The following CNTNAP2 variants were observed in gnomAD, a reference collection of about 807,000 sequenced individuals.
The protein encoded by CNTNAP2 is contactin associated protein 2.
CNTNAP2 carries 98 observed loss-of-function variants against 155.2 expected under a neutral mutation model. The observed-to-expected ratio is 0.63, with a 90% CI of 0.54 to 0.75. The LOEUF (loss-of-function observed/expected upper bound fraction) is 0.75. CNTNAP2 is among the 30% of genes least tolerant of loss of function. CNTNAP2 has a pLI of 0.00. For missense variants in CNTNAP2, 1,727 were observed against 1,688.1 expected, an observed-to-expected ratio of 1.02 and a Z score of -0.40; for synonymous variants, 651 against 631.2, an observed-to-expected ratio of 1.03 and a Z score of -0.47.
intron 1 of CNTNAP2, among the ~76,000 whole-genome samples, chr7:146,151,644 A>G (rs985569285): frequency 5.9e-5 from 4 of 67,786 alleles, no homozygotes; most frequent in Non-Finnish European, 1.3e-4. Flanking sequence ...TGATATATAT[A>G]TATATATATA....
chr7:147,461,881 T>C (rs1480128933), intron 10 of CNTNAP2, among the ~76,000 whole-genome samples: 2 of 152,236 alleles, frequency 1.3e-5, no homozygotes, highest in Non-Finnish European at 2.9e-5. Context: ...TTTAAGTGAA[T>C]GTAGAGTTAA....
At chr7:147,802,452 C>G (rs532745570) in intron 13 of CNTNAP2, among the ~76,000 whole-genome samples, 3 of 152,090 alleles carry the variant, frequency 2.0e-5, no homozygotes, top group Non-Finnish European at 4.4e-5. Context: ...TGTAGCGAGC[C>G]GAGATCAGGC....
chr7:147,062,044 AG>A (rs1799688177), intron 4 of CNTNAP2, among the ~76,000 whole-genome samples: 1 of 143,890 alleles, frequency 6.9e-6, no homozygotes, highest in Non-Finnish European at 1.5e-5. Flanking sequence ...AGGAGAATGG[AG>A]TGAACCCGGG....
intron 10 of CNTNAP2, among the ~76,000 whole-genome samples, chr7:147,453,617 G>A (rs1179771556): frequency 6.6e-6 from 1 of 152,118 alleles, no homozygotes; most frequent in Non-Finnish European, 1.5e-5. Context: ...GATTATTTAA[G>A]TGACTTGTAC....
intron 21 of CNTNAP2, among the ~76,000 whole-genome samples, chr7:148,267,432 A>C (rs754827917): frequency 1.3e-5 from 2 of 152,088 alleles, no homozygotes; most frequent in Non-Finnish European, 2.9e-5. Flanking sequence ...AGGCTGGTGG[A>C]TCACTTGAGG....
chr7:146,426,420 C>CAT (rs1238754552), intron 1 of CNTNAP2, among the ~76,000 whole-genome samples: 5,987 of 146,406 alleles, frequency 0.041, 318 homozygotes, highest in African/African-American at 0.12. Context: ...CACACACACA[C>CAT]ATATACACAC....
chr7:146,728,203 G>A (rs1159779519), intron 1 of CNTNAP2, among the ~76,000 whole-genome samples: 2 of 152,154 alleles, frequency 1.3e-5, no homozygotes, highest in South Asian at 2.1e-4. Flanking sequence ...CAGGTAAAGC[G>A]TTCATCTTGA....
chr7:148,232,937 G>T (rs1021954570), intron 20 of CNTNAP2, among the ~76,000 whole-genome samples: 1 of 152,208 alleles, frequency 6.6e-6, no homozygotes, highest in East Asian at 1.9e-4. Flanking sequence ...GCTGCCAAAA[G>T]ACAAAGTACC....
In CNTNAP2 at chr7:147,594,125, C is replaced by CTTT. The variant is rs397827040; in HGVS notation, c.1897+31885_1897+31887dup. Among the ~76,000 whole-genome samples the CTTT allele has an allele frequency of 3.0e-3, 360 of 119,996 alleles. 16 individuals are homozygous for CTTT. The highest frequency in any genetic ancestry group is 4.3e-3 in the Admixed American group (46 of 10,678). The allele number at this position is 119,996 out of a possible 152,430, so 78.7% of individuals were successfully genotyped here. ...GAGGATTTGCCACCCTCTGGTGTCT[C>CTTT]TTTTTTTTTTTTTTTTTTTGAGATG... On this transcript the variant is annotated intron_variant, in intron 12 of 23. Transcript: ENST00000361727.
At chr7:146,762,192 A>C (rs1008438792) in intron 1 of CNTNAP2, among the ~76,000 whole-genome samples, 1 of 152,168 alleles carries the variant, frequency 6.6e-6, no homozygotes, top group Non-Finnish European at 1.5e-5. Flanking sequence ...ATGTCTAGAT[A>C]GAAAATAACA....
At chr7:146,902,610 C>G (rs1445960650) in intron 3 of CNTNAP2, among the ~76,000 whole-genome samples, 1 of 152,200 alleles carries the variant, frequency 6.6e-6, no homozygotes, top group African/African-American at 2.4e-5. Context: ...ATCACTTTCT[C>G]TTCATTTAAG....
intron 12 of CNTNAP2, among the ~76,000 whole-genome samples, chr7:147,582,955 G>T (rs1034009653): frequency 6.6e-6 from 1 of 152,014 alleles, no homozygotes; most frequent in Admixed American, 6.6e-5. Flanking sequence ...TCAAACATTT[G>T]GCATGCAGGC....
intron 1 of CNTNAP2, among the ~76,000 whole-genome samples, chr7:146,341,762 C>T (rs1268587934): frequency 6.6e-6 from 1 of 151,994 alleles, no homozygotes; most frequent in Non-Finnish European, 1.5e-5. Flanking sequence ...AACACAAAGA[C>T]AGGTTGAAAT....
At position 146,694,130 on chromosome 7, in the gene CNTNAP2, G is replaced by A. The variant is rs143041971; in HGVS notation, c.98-80141G>A. On this transcript the variant is annotated intron_variant, in intron 1 of 23. Transcript: ENST00000361727. ...GTTTAAGAATATAATTGGAAAATAA[G>A]AAAGGTAAGTGATGAACTGAGAGAA... Among the ~76,000 whole-genome samples the A allele has an allele frequency of 4.0e-5, 6 of 151,514 alleles. No individual in the cohort carries two copies. The East Asian group carries it at 1.2e-3, about 29-fold the overall frequency.
At chr7:147,197,260 G>C (rs1480322767) in intron 8 of CNTNAP2, among the ~76,000 whole-genome samples, 2 of 152,048 alleles carry the variant, frequency 1.3e-5, no homozygotes, top group Non-Finnish European at 2.9e-5. Context: ...GTAACCAATG[G>C]AAAAACCTCT....
intron 14 of CNTNAP2, among the ~76,000 whole-genome samples, chr7:147,935,978 A>G (rs1408524567): frequency 3.9e-5 from 6 of 152,176 alleles, no homozygotes; most frequent in African/African-American, 9.7e-5. Context: ...CTCATTTCAT[A>G]AAACTCTCAT....
intron 9 of CNTNAP2, among the ~76,000 whole-genome samples, chr7:147,335,364 A>G (rs948080348): frequency 6.6e-6 from 1 of 152,144 alleles, no homozygotes; most frequent in African/African-American, 2.4e-5. Flanking sequence ...CAGGAAGGTG[A>G]TTTGCCTGTC....
At chr7:147,257,002 A>C (rs1804345322) in intron 8 of CNTNAP2, among the ~76,000 whole-genome samples, 1 of 105,620 alleles carries the variant, frequency 9.5e-6, no homozygotes, top group Non-Finnish European at 1.8e-5. Context: ...TATTAGGAGA[A>C]AAAAGAAACA....
chr7:146,554,219 T>C (rs904891409), intron 1 of CNTNAP2, among the ~76,000 whole-genome samples: 1 of 152,166 alleles, frequency 6.6e-6, no homozygotes, highest in Non-Finnish European at 1.5e-5. Flanking sequence ...TGCCAGTGCT[T>C]TAACTTGAAC....
Sources: gnomAD v4.1 joint callset for allele counts (sites outside exome capture counted in the v4.1 genomes callset) on GRCh38, gnomAD v4.1.1 for gene constraint, MANE v1.5 for transcripts, NCBI Gene and HGNC (gene_info 2026-07-23, HGNC 2026-07-21) for gene names.